Variants in MND1 observed in about 807,000 individuals in gnomAD.
The protein encoded by MND1 is meiotic nuclear divisions 1, also known as meiotic nuclear division protein 1 homolog.
MND1 carries 28 observed loss-of-function variants against 35.1 expected under a neutral mutation model. The observed-to-expected ratio is 0.80, with a 90% CI of 0.59 to 1.09. The LOEUF is 1.09. Among genes scored for constraint, MND1 ranks in the 50% least tolerant of loss-of-function variants. The pLI is 0.00. For synonymous variants in MND1, 69 were observed against 70.5 expected, an observed-to-expected ratio of 0.98 and a Z score of 0.11; for missense variants, 213 against 239.6, an observed-to-expected ratio of 0.89 and a Z score of 0.73.
chr4:153,381,704 T>A (rs1433981152), intron 4 of MND1: 37 of 55,774 alleles, frequency 6.6e-4, no homozygotes, highest in African/African-American at 2.6e-3. Flanking sequence ...TTTTTTTTTT[T>A]TTTTTTTTTT....
chr4:153,391,757 C>CATAT (rs991917688), intron 4 of MND1, among the ~76,000 whole-genome samples: 1 of 151,544 alleles, frequency 6.6e-6, no homozygotes, highest in Admixed American at 6.6e-5. Context: ...CACATACATA[C>CATAT]ATATATATAT....
In MND1 at chr4:153,371,718, C is replaced by CAA. The variant is rs1417256261; in HGVS notation, c.276+13096_276+13097insAA. Among the ~76,000 whole-genome samples the CAA allele has an allele frequency of 3.9e-5, 6 of 152,090 alleles. No homozygotes were observed. The East Asian group carries it at 7.7e-4, about 19-fold the overall frequency. ...AACTTTCTCTATCTCAGCAATACGGCTGTTTTGCTTTCTCATCATTTGCGT... is the reference window on the plus strand; with the variant it reads ...AACTTTCTCTATCTCAGCAATACGGCAATGTTTTGCTTTCTCATCATTTGCGT... On this transcript the variant is annotated intron_variant, in intron 4 of 7. Transcript: ENST00000240488.
intron 6 of MND1, among the ~76,000 whole-genome samples, chr4:153,400,439 G>C (rs930960642): frequency 6.6e-6 from 1 of 152,140 alleles, no homozygotes; most frequent in Non-Finnish European, 1.5e-5. Context: ...TGTAATCCCA[G>C]CACTTTGGGA....
At chr4:153,348,266 C>G (rs1408513651) in intron 1 of MND1, among the ~76,000 whole-genome samples, 4 of 152,024 alleles carry the variant, frequency 2.6e-5, no homozygotes, top group African/African-American at 4.8e-5. Context: ...GCTTGGGTCA[C>G]GAGATAGTAT....
At chr4:153,381,273 C>T (rs559197687) in intron 4 of MND1, among the ~76,000 whole-genome samples, 2 of 152,038 alleles carry the variant, frequency 1.3e-5, no homozygotes, top group South Asian at 4.2e-4. Context: ...CCAAACCTTC[C>T]TCCAGCAATG....
intron 2 of MND1, among the ~76,000 whole-genome samples, chr4:153,353,740 T>C (rs1358800972): frequency 2.0e-5 from 3 of 152,034 alleles, no homozygotes; most frequent in East Asian, 1.9e-4. Context: ...TTTGTTCTTA[T>C]TGTTTTGTTT....
chr4:153,345,905 G>A (rs1773066686), intron 1 of MND1, among the ~76,000 whole-genome samples: 1 of 152,284 alleles, frequency 6.6e-6, no homozygotes, highest in East Asian at 1.9e-4. Flanking sequence ...TGCTGGCCTC[G>A]TATAACTGAC....
At chr4:153,364,481 C>T (rs934192560) in intron 4 of MND1, among the ~76,000 whole-genome samples, 1 of 150,614 alleles carries the variant, frequency 6.6e-6, no homozygotes, top group Admixed American at 6.6e-5. Context: ...CGTGCCACTG[C>T]ACTGCAGGTT....
chr4:153,376,271 G>T (rs758603702), intron 4 of MND1, among the ~76,000 whole-genome samples: 1 of 152,134 alleles, frequency 6.6e-6, no homozygotes, highest in Non-Finnish European at 1.5e-5. Flanking sequence ...TTTAGTCACT[G>T]TGTGTGTGGA....
chr4:153,403,566 G>C (rs1470537863), intron 6 of MND1, among the ~76,000 whole-genome samples: 5 of 152,048 alleles, frequency 3.3e-5, no homozygotes, highest in South Asian at 4.1e-4. Context: ...ACAACTCTAC[G>C]AGCAACAATC....
chr4:153,364,265 C>G (rs546460514), intron 4 of MND1, among the ~76,000 whole-genome samples: 1 of 151,964 alleles, frequency 6.6e-6, no homozygotes, highest in African/African-American at 2.4e-5. Context: ...TCTGTGGTCT[C>G]AGCTACTTGG....
At chr4:153,362,162 T>G (rs756706132) in intron 4 of MND1, among the ~76,000 whole-genome samples, 24 of 152,256 alleles carry the variant, frequency 1.6e-4, no homozygotes, top group Non-Finnish European at 3.2e-4. Flanking sequence ...CTGTTTTTCC[T>G]ATACTGTTCT....
chr4:153,345,965 CT>C (rs1445918146), intron 1 of MND1, among the ~76,000 whole-genome samples: 1 of 152,180 alleles, frequency 6.6e-6, no homozygotes, highest in Non-Finnish European at 1.5e-5. Flanking sequence ...CCTAATCTAT[CT>C]CTCTACACAT....
intron 1 of MND1, among the ~76,000 whole-genome samples, chr4:153,349,645 C>G (rs538406152): frequency 6.6e-6 from 1 of 152,212 alleles, no homozygotes; most frequent in East Asian, 1.9e-4. Context: ...TCCTTTTAAT[C>G]TCTGTCCTTA....
intron 1 of MND1, among the ~76,000 whole-genome samples, chr4:153,347,344 T>G (rs554752252): frequency 1.3e-5 from 2 of 152,314 alleles, no homozygotes; most frequent in Non-Finnish European, 1.5e-5. Flanking sequence ...TTCTCTGATT[T>G]GTCTCTTCAA....
intron 1 of MND1, chr4:153,345,465 C>T (rs1416895850): frequency 2.0e-6 from 2 of 985,312 alleles, no homozygotes; most frequent in African/African-American, 1.7e-5. Flanking sequence ...ACGCTCTGCA[C>T]TGAATTAGGC....
intron 6 of MND1, among the ~76,000 whole-genome samples, chr4:153,407,086 G>A (rs544495587): frequency 1.3e-5 from 2 of 152,320 alleles, no homozygotes; most frequent in East Asian, 3.9e-4. Flanking sequence ...TGGGAATTGT[G>A]GGTGTTACAA....
intron 4 of MND1, among the ~76,000 whole-genome samples, chr4:153,390,618 G>A (rs1728993059): frequency 6.6e-6 from 1 of 152,094 alleles, no homozygotes; most frequent in African/African-American, 2.4e-5. Context: ...AAGCCCAGGT[G>A]CACTAATTGC....
intron 4 of MND1, among the ~76,000 whole-genome samples, chr4:153,385,011 T>C (rs1410581027): frequency 6.6e-6 from 1 of 152,206 alleles, no homozygotes; most frequent in Admixed American, 6.5e-5. Context: ...CCAAAAATAT[T>C]CAACAAACAT....
Sources: allele counts gnomAD v4.1 joint callset (sites outside exome capture counted in the v4.1 genomes callset), GRCh38; gene constraint gnomAD v4.1.1; transcripts MANE v1.5; gene names NCBI Gene and HGNC (gene_info 2026-07-23, HGNC 2026-07-21).